LRRC37A2: variants seen among roughly 807,000 people sequenced by gnomAD.
LRRC37A2 encodes leucine rich repeat containing 37 member A2, also known as leucine-rich repeat-containing protein 37A2.
LRRC37A2 carries 9 observed loss-of-function variants against 68.8 expected under a neutral mutation model. The ratio of observed to expected loss-of-function variants is 0.13; its 90% confidence interval spans 0.08 to 0.23. LRRC37A2 has a LOEUF of 0.23. Ranked by LOEUF, LRRC37A2 falls within the 10% of genes least tolerant of loss-of-function variation. The pLI, the probability that LRRC37A2 is intolerant of heterozygous loss-of-function variation, is 1.00. For missense variants in LRRC37A2, 168 were observed against 950.4 expected, an observed-to-expected ratio of 0.18 and a Z score of 10.82; for synonymous variants, 63 against 367.6, an observed-to-expected ratio of 0.17 and a Z score of 9.48.
chr17:46,390,428 A>G, the LRRC37A2 span, among the ~76,000 whole-genome samples: 1 of 113,598 alleles, frequency 8.8e-6, no homozygotes, highest in Non-Finnish European at 2.1e-5. Flanking sequence ...GGTGGCCCAC[A>G]CCTGTAATCC....
At chr17:46,592,900 T>TGAGG in the LRRC37A2 span, among the ~76,000 whole-genome samples, 1 of 137,624 alleles carries the variant, frequency 7.3e-6, no homozygotes, top group African/African-American at 2.7e-5. Flanking sequence ...GCTGGGAATC[T>TGAGG]GAGGGAGGGA....
chr17:46,767,861 T>A, the LRRC37A2 span, among the ~76,000 whole-genome samples: 6 of 152,126 alleles, frequency 3.9e-5, no homozygotes, highest in Non-Finnish European at 8.8e-5. Flanking sequence ...CAATCTCAGT[T>A]CATTGCAACC....
chr17:46,874,905 C>A, the LRRC37A2 span: 1 of 809,642 alleles, frequency 1.2e-6, no homozygotes. Context: ...TGGCAACTTG[C>A]AGTCAGAATT....
At chr17:47,014,862 G>A in the LRRC37A2 span, among the ~76,000 whole-genome samples, 2 of 151,990 alleles carry the variant, frequency 1.3e-5, no homozygotes, top group East Asian at 1.9e-4. Context: ...ATCTTGGGTG[G>A]AATATTTTGC....
chr17:46,990,788 A>G, the LRRC37A2 span, among the ~76,000 whole-genome samples: 1 of 151,936 alleles, frequency 6.6e-6, no homozygotes, highest in Non-Finnish European at 1.5e-5. Context: ...CTCATGCCTC[A>G]GCCTCCCAAG....
At chr17:46,789,618 G>A in the LRRC37A2 span, among the ~76,000 whole-genome samples, 1 of 152,162 alleles carries the variant, frequency 6.6e-6, no homozygotes, top group Non-Finnish European at 1.5e-5. Flanking sequence ...AGGGACAGAG[G>A]AACAAACCAA....
At chr17:46,891,133 T>C in the LRRC37A2 span, among the ~76,000 whole-genome samples, 1 of 152,220 alleles carries the variant, frequency 6.6e-6, no homozygotes, top group Non-Finnish European at 1.5e-5. Context: ...TCTCAGCCTC[T>C]AGAAAAGTTG....
At chr17:46,765,285 G>A in the LRRC37A2 span, among the ~76,000 whole-genome samples, 1 of 152,194 alleles carries the variant, frequency 6.6e-6, no homozygotes, top group Non-Finnish European at 1.5e-5. Context: ...AACAGATCCA[G>A]GACTTGGGCG....
At chr17:47,041,437 A>T in the LRRC37A2 span, among the ~76,000 whole-genome samples, 1 of 73,244 alleles carries the variant, frequency 1.4e-5, no homozygotes, top group Non-Finnish European at 2.6e-5. Flanking sequence ...TGAAGGGATG[A>T]ATTTTTGGAT....
the LRRC37A2 span, among the ~76,000 whole-genome samples, chr17:46,388,962 G>A: frequency 2.3e-4 from 18 of 78,834 alleles, no homozygotes; most frequent in African/African-American, 8.5e-4. Flanking sequence ...TTGAGAGGCT[G>A]AGACGGGTGG....
chr17:46,920,594 G>T, the LRRC37A2 span, among the ~76,000 whole-genome samples: 6 of 152,136 alleles, frequency 3.9e-5, no homozygotes, highest in East Asian at 1.2e-3. Flanking sequence ...GGATGGAAAC[G>T]GGATAGCCTA....
At chr17:46,790,885 G>A in the LRRC37A2 span, among the ~76,000 whole-genome samples, 5 of 152,254 alleles carry the variant, frequency 3.3e-5, no homozygotes, top group African/African-American at 9.6e-5. Context: ...GAAAAGGACA[G>A]GATAAAAGAT....
chr17:46,502,233 A>G, the LRRC37A2 span, among the ~76,000 whole-genome samples: 1 of 151,196 alleles, frequency 6.6e-6, no homozygotes, highest in South Asian at 2.1e-4. Context: ...GGGCATTCAT[A>G]TTAGATTTAT....
the LRRC37A2 span, among the ~76,000 whole-genome samples, chr17:46,844,305 C>CTTTTTTTTTTTT: frequency 7.8e-6 from 1 of 127,418 alleles, no homozygotes; most frequent in Non-Finnish European, 1.6e-5. Context: ...AGTTAGCCAC[C>CTTTTTTTTTTTT]TTTTTTTTTT....
chr17:46,416,267 C>T, the LRRC37A2 span, among the ~76,000 whole-genome samples: 121 of 60,326 alleles, frequency 2.0e-3, 1 homozygote, highest in Middle Eastern at 0.035. Context: ...CAGCATATAA[C>T]CTGTACTTTC....
chr17:46,965,823 G>C, the LRRC37A2 span, among the ~76,000 whole-genome samples: 1 of 151,262 alleles, frequency 6.6e-6, no homozygotes, highest in South Asian at 2.1e-4. Context: ...TAGAGGCGGG[G>C]TCTCATTATG....
chr17:46,978,348 A>G, the LRRC37A2 span: 7 of 421,210 alleles, frequency 1.7e-5, no homozygotes, highest in African/African-American at 4.3e-5. Context: ...TTGCATCTCC[A>G]TACCCACTCC....
At chr17:46,745,278 C>A in the LRRC37A2 span, among the ~76,000 whole-genome samples, 1 of 152,178 alleles carries the variant, frequency 6.6e-6, no homozygotes, top group African/African-American at 2.4e-5. Flanking sequence ...TGAGCACTAC[C>A]ACTAATTAAT....
chr17:46,818,486 C>T, the LRRC37A2 span: 2 of 1,580,944 alleles, frequency 1.3e-6, no homozygotes, highest in Non-Finnish European at 1.7e-6. Flanking sequence ...GCGGAGAAAC[C>T]GGGCCGCGGG....
Sources: allele counts gnomAD v4.1 joint callset (sites outside exome capture counted in the v4.1 genomes callset), GRCh38; gene constraint gnomAD v4.1.1; transcripts MANE v1.5; gene names NCBI Gene and HGNC (gene_info 2026-07-23, HGNC 2026-07-21).